Variants in ROR2 observed in about 807,000 individuals in gnomAD.
The protein encoded by ROR2 is ROR family WNT receptor 2.
In ROR2, 33 loss-of-function variants were observed where a neutral mutation model predicts 74.9. The observed-to-expected ratio is 0.44, with a 90% CI of 0.33 to 0.59. The LOEUF is 0.59. Ranked by LOEUF, ROR2 falls within the 20% of genes least tolerant of loss-of-function variation. The pLI, the probability that ROR2 is intolerant of heterozygous loss-of-function variation, is 0.02. For synonymous variants in ROR2, 586 were observed against 558.7 expected (o/e 1.05, Z -0.69); for missense variants, 1,216 against 1,313.8 (o/e 0.93, Z 1.15).
At chr9:91,919,029 C>G (rs1285085901) in intron 1 of ROR2, among the ~76,000 whole-genome samples, 2 of 116,278 alleles carry the variant, frequency 1.7e-5, no homozygotes, top group African/African-American at 1.3e-4. Flanking sequence ...CCAGACCACT[C>G]CACTCAACAC....
chr9:91,792,500 G>A (rs2119009792), intron 1 of ROR2, among the ~76,000 whole-genome samples: 1 of 152,170 alleles, frequency 6.6e-6, no homozygotes, highest in Admixed American at 6.5e-5. Context: ...AGTAGACACT[G>A]GGTTTCACCG....
chr9:91,907,899 G>A (rs961723785), intron 1 of ROR2, among the ~76,000 whole-genome samples: 2 of 152,124 alleles, frequency 1.3e-5, no homozygotes, highest in Non-Finnish European at 2.9e-5. Flanking sequence ...CCCACACCCA[G>A]GGCCACCCTA....
chr9:91,850,873 G>A (rs73651583), intron 1 of ROR2, among the ~76,000 whole-genome samples: 18,513 of 151,986 alleles, frequency 0.12, 2,498 homozygotes, highest in African/African-American at 0.34. Flanking sequence ...TATTAAGAAC[G>A]ATTTTCCTAC....
intron 1 of ROR2, among the ~76,000 whole-genome samples, chr9:91,801,833 C>T (rs1199658947): frequency 1.3e-5 from 2 of 152,226 alleles, no homozygotes; most frequent in Non-Finnish European, 2.9e-5. Context: ...ATATGCTGAA[C>T]ATGAACGGGC....
At chr9:91,756,749 T>TC (rs1825763486) in intron 3 of ROR2, among the ~76,000 whole-genome samples, 1 of 74,788 alleles carries the variant, frequency 1.3e-5, no homozygotes, top group South Asian at 4.4e-4. Flanking sequence ...TTCTCTTTTT[T>TC]TTTTTTTTTT....
chr9:91,893,982 TG>T (rs750397540), intron 1 of ROR2, among the ~76,000 whole-genome samples: 1 of 152,150 alleles, frequency 6.6e-6, no homozygotes, highest in African/African-American at 2.4e-5. Flanking sequence ...CATCAGAGGG[TG>T]TTTTTTTTAG....
chr9:91,825,030 TGTC>T (rs1465834694), intron 1 of ROR2, among the ~76,000 whole-genome samples: 3 of 152,352 alleles, frequency 2.0e-5, no homozygotes, highest in African/African-American at 7.2e-5. Context: ...AGGGCTGGGC[TGTC>T]AATGTTTCTT....
chr9:91,795,830 AGG>A (rs1420002958), intron 1 of ROR2, among the ~76,000 whole-genome samples: 2 of 152,236 alleles, frequency 1.3e-5, no homozygotes, highest in Non-Finnish European at 2.9e-5. Context: ...AATAGCACAC[AGG>A]AACCTCTGTT....
At chr9:91,841,944 T>C (rs1357513422) in intron 1 of ROR2, among the ~76,000 whole-genome samples, 3 of 152,206 alleles carry the variant, frequency 2.0e-5, no homozygotes, top group African/African-American at 7.2e-5. Context: ...AAAGACAGAA[T>C]GCCTTACCCA....
rs557495611 is a variant in ROR2 at position 91,800,706 on chromosome 9, C to G, written c.98-24888G>C. Among the ~76,000 whole-genome samples, 29 of 152,336 alleles carry G rather than the reference C, an allele frequency of 1.9e-4. No homozygotes were observed. The South Asian group carries it at 6.0e-3, about 32-fold the overall frequency. On this transcript the variant is annotated intron_variant, in intron 1 of 8. Coordinates refer to ENST00000375708, the MANE Select transcript of ROR2 (RefSeq NM_004560.4). Reference sequence around the variant, plus strand: ...GAGCACAGCACGTGGGCATCACGCCCACGCACTGCTGTTGTCCTCCCAAGC... The same window carrying G: ...GAGCACAGCACGTGGGCATCACGCCGACGCACTGCTGTTGTCCTCCCAAGC...
intron 1 of ROR2, among the ~76,000 whole-genome samples, chr9:91,827,679 C>CG (rs1828336958): frequency 6.6e-6 from 1 of 152,156 alleles, no homozygotes; most frequent in Non-Finnish European, 1.5e-5. Context: ...ACAGATCAGT[C>CG]CAATGTACAG....
intron 1 of ROR2, among the ~76,000 whole-genome samples, chr9:91,794,049 G>A (rs1485994678): frequency 2.6e-5 from 4 of 152,200 alleles, no homozygotes; most frequent in Admixed American, 1.3e-4. Flanking sequence ...GCTATCTGGA[G>A]GTGCAACTAT....
intron 1 of ROR2, among the ~76,000 whole-genome samples, chr9:91,809,985 C>T (rs557684833): frequency 6.6e-6 from 1 of 152,242 alleles, no homozygotes; most frequent in Non-Finnish European, 1.5e-5. Flanking sequence ...TGCAATGCAC[C>T]GAGGAGCAAG....
In ROR2 at chr9:91,726,604, C is replaced by T. The variant is rs764898597; in HGVS notation, c.1323G>A (p.Arg441=). The change falls in exon 8 of 9, where the codon CGG becomes CGA. Residue 441 remains arginine (R), a synonymous_variant. Coordinates refer to ENST00000375708, the MANE Select transcript of ROR2 (RefSeq NM_004560.4). Reference sequence around the variant, plus strand: ...GGCTGGGCGAGGCCATCAGCTGTCGCCGCTGCGGTGTGGACGCAGATGCCT... The same window carrying T: ...GGCTGGGCGAGGCCATCAGCTGTCGTCGCTGCGGTGTGGACGCAGATGCCT... ...KQKASASTPQ[R]RQLMASPSQD... 2.5e-6 allele frequency: 4 copies of T among 1,613,810 alleles called. No individual in the cohort carries two copies. In the South Asian group the frequency reaches 4.4e-5, roughly 18 times the overall value.
At chr9:91,865,973 C>CTAAA (rs1023926084) in intron 1 of ROR2, among the ~76,000 whole-genome samples, 4 of 152,274 alleles carry the variant, frequency 2.6e-5, no homozygotes, top group Admixed American at 2.6e-4. Context: ...TCTGAATTAC[C>CTAAA]TAAATCAAAT....
intron 1 of ROR2, among the ~76,000 whole-genome samples, chr9:91,908,140 G>C (rs1327613398): frequency 5.9e-5 from 9 of 152,214 alleles, no homozygotes; most frequent in Non-Finnish European, 4.4e-5. Flanking sequence ...ATTATCAATG[G>C]GGGGAGGGAG....
intron 1 of ROR2, among the ~76,000 whole-genome samples, chr9:91,887,788 CTTT>C (rs771557997): frequency 3.5e-4 from 35 of 100,676 alleles, no homozygotes; most frequent in African/African-American, 1.3e-3. Context: ...CTTTTTTTCT[CTTT>C]TTTTTTTTTT....
intron 2 of ROR2, among the ~76,000 whole-genome samples, chr9:91,764,820 A>G (rs1286875877): frequency 1.3e-5 from 2 of 152,194 alleles, no homozygotes; most frequent in Non-Finnish European, 2.9e-5. Context: ...GAAAACATCC[A>G]TGACTTTCAC....
At chr9:91,751,133 T>C (rs773059821) in intron 4 of ROR2, among the ~76,000 whole-genome samples, 2 of 152,114 alleles carry the variant, frequency 1.3e-5, no homozygotes, top group South Asian at 4.1e-4. Flanking sequence ...CTTTCACCCA[T>C]AGGGACAAAG....
Sources: gnomAD v4.1 joint callset for allele counts (sites outside exome capture counted in the v4.1 genomes callset) on GRCh38, gnomAD v4.1.1 for gene constraint, MANE v1.5 for transcripts, NCBI Gene and HGNC (gene_info 2026-07-23, HGNC 2026-07-21) for gene names.